The following SLC5A8 variants were observed in gnomAD, a reference collection of about 807,000 sequenced individuals.
SLC5A8 encodes sodium-coupled monocarboxylate transporter 1.
Under a neutral mutation model 71.9 loss-of-function variants are expected in SLC5A8, and 55 were observed. The ratio of observed to expected loss-of-function variants is 0.77; its 90% CI spans 0.62 to 0.96. The LOEUF (loss-of-function observed/expected upper bound fraction) is 0.96, where lower values mean the gene tolerates loss of function less well. Among genes scored for constraint, SLC5A8 ranks in the 40% least tolerant of loss-of-function variants. The pLI, the probability that SLC5A8 is intolerant of heterozygous loss-of-function variation, is 0.00. For missense variants in SLC5A8, 701 were observed against 745.3 expected, an observed-to-expected ratio of 0.94 and a Z score of 0.69; for synonymous variants, 307 against 276.1, an observed-to-expected ratio of 1.11 and a Z score of -1.11.
At chr12:101,177,472 C>A (rs932455830) in intron 10 of SLC5A8, among the ~76,000 whole-genome samples, 1 of 151,554 alleles carries the variant, frequency 6.6e-6, no homozygotes, top group Non-Finnish European at 1.5e-5. Flanking sequence ...CACACACACA[C>A]ACACACGCAT....
rs1480503051 is a variant in SLC5A8 at position 101,209,930 on chromosome 12, C to T, written c.-82G>A. ...GGAGCCCGGCGCGCACTTCTTATCC[C>T]GGATCCCTGGCGCGCAGGCGTGGCG... is the stretch of plus-strand genomic sequence containing the variant. On this transcript the variant is annotated 5_prime_UTR_variant, in exon 1 of 15. Transcript: ENST00000536262. 1 of 1,299,552 alleles carries T rather than the reference C, an allele frequency of 7.7e-7. No individual in the cohort carries two copies. The highest frequency in any genetic ancestry group is 1.0e-6 in the Non-Finnish European group (1 of 982,480). The allele number at this position is 1,299,552 out of a possible 1,614,324, so 80.5% of individuals were successfully genotyped here.
Position 101,166,538 on chromosome 12 carries a change from T to A in SLC5A8, c.1482A>T (p.Glu494Asp). Residue 494 changes from glutamate to aspartate, a missense_variant, in exon 12 of 15, where the codon GAA (glutamate) becomes GAT (aspartate). Physicochemically the swap from Glu to Asp is conservative, Grantham distance 45. Transcript: ENST00000536262. ...GAAAAACACTAGTAGTAAATGGCAT[T>A]TCTGTGGTTGTCATCAAATTTGTCT... ...YNETNLMTTT[E>D]MPFTTSVFQI... 1 of 1,613,942 alleles carries A rather than the reference T, an allele frequency of 6.2e-7. No homozygotes were observed. The highest frequency in any genetic ancestry group is 1.1e-5 in the South Asian group (1 of 91,036).
At chr12:101,160,504 A>G (rs2051714129) in intron 13 of SLC5A8, among the ~76,000 whole-genome samples, 1 of 152,170 alleles carries the variant, frequency 6.6e-6, no homozygotes, top group African/African-American at 2.4e-5. Flanking sequence ...CCTTGAACAC[A>G]ACTAGTTGTA....
Position 101,164,747 on chromosome 12 carries a change from C to T in SLC5A8, c.1526+1747G>A, listed in dbSNP as rs1776467324. On this transcript the variant is annotated intron_variant, in intron 12 of 14. Coordinates refer to ENST00000536262, the MANE Select transcript of SLC5A8 (RefSeq NM_145913.5). ...TCCTTGACTCCAGTCAGGCAGACTT[C>T]CTCCTTCTGGCTCCCATGATATCCT... Among the ~76,000 whole-genome samples, 5 of 152,348 alleles carry T rather than the reference C, an allele frequency of 3.3e-5. No individual in the cohort carries two copies. In the South Asian group the frequency reaches 1.0e-3, roughly 32 times the overall value.
chr12:101,209,259 G>A (rs1214043096), intron 1 of SLC5A8, among the ~76,000 whole-genome samples: 1 of 152,098 alleles, frequency 6.6e-6, no homozygotes, highest in African/African-American at 2.4e-5. Flanking sequence ...TTTTCACTAA[G>A]CCCAGGAGAG....
intron 3 of SLC5A8, among the ~76,000 whole-genome samples, chr12:101,199,573 T>C (rs1869348115): frequency 6.6e-6 from 1 of 151,882 alleles, no homozygotes; most frequent in Admixed American, 6.6e-5. Context: ...ATAATAGTCA[T>C]ATAGAAAGTG....
chr12:101,198,874 A>T (rs2137164835), intron 3 of SLC5A8, among the ~76,000 whole-genome samples: 1 of 152,100 alleles, frequency 6.6e-6, no homozygotes, highest in East Asian at 1.9e-4. Context: ...GAATGCAAAA[A>T]TTGGTTTAAT....
At chr12:101,195,695 C>CTTTTTT (rs11338261) in intron 3 of SLC5A8, among the ~76,000 whole-genome samples, 1 of 97,450 alleles carries the variant, frequency 1.0e-5, no homozygotes, top group Non-Finnish European at 1.9e-5. Flanking sequence ...ATGGTAATTC[C>CTTTTTT]TTTTTTTTTT....
At chr12:101,158,598 C>CTCTCTCTCTCTCTCTCTCTCTCTA (rs1411795424) in intron 13 of SLC5A8, among the ~76,000 whole-genome samples, 1 of 21,254 alleles carries the variant, frequency 4.7e-5, no homozygotes, top group Non-Finnish European at 8.8e-5. Flanking sequence ...CTCTCTCTCT[C>CTCTCTCTCTCTCTCTCTCTCTCTA]TATATATATA....
chr12:101,174,080 G>A (rs73391431), intron 10 of SLC5A8, among the ~76,000 whole-genome samples: 4,674 of 152,278 alleles, frequency 0.031, 193 homozygotes, highest in African/African-American at 0.1. Flanking sequence ...AAAACTACCA[G>A]ACACACTACG....
chr12:101,193,631 A>G lies in SLC5A8; in HGVS notation c.686T>C (p.Phe229Ser). The change falls in exon 5 of 15, where the codon TTC becomes TCC. Residue 229 changes from phenylalanine to serine, a missense_variant. Coordinates refer to ENST00000536262, the MANE Select transcript of SLC5A8 (RefSeq NM_145913.5). ...CCAAGTACTAGACACTTACTTCCAG[A>G]AATTTAATCTTCCACCATCATAGGC... is the stretch of plus-strand genomic sequence containing the variant. ...NDAYDGGRLN[F>S]WNFNPNPLQR... The G allele has an allele frequency of 1.2e-6, 2 of 1,613,184 alleles. No individual in the cohort carries two copies. Among genetic ancestry groups the G allele is most frequent in the Non-Finnish European group, 1.7e-6 (2 of 1,179,654 alleles).
rs745427366 is a variant in SLC5A8 at position 101,184,192 on chromosome 12, G to A, written c.994C>T (p.Gln332Ter). The change falls in exon 8 of 15, where the codon CAA becomes TAA. Residue 332 changes from glutamine (Q) to a stop codon, truncating the protein, a stop_gained. Coordinates refer to ENST00000536262, the MANE Select transcript of SLC5A8 (RefSeq NM_145913.5). LOFTEE classifies it high-confidence loss of function. ...LMPYLVLDIL[Q>*]DYPGLPGLFV... ...AGTCCAGGAAGTCCTGGATAATCTT[G>A]CAGAATGTCCAGTACCAAATAAGGC... 1 of 1,614,146 alleles carries A rather than the reference G, an allele frequency of 6.2e-7. No homozygotes were observed. Among genetic ancestry groups the A allele is most frequent in the East Asian group, 2.2e-5 (1 of 44,878 alleles).
chr12:101,159,628 A>G (rs1472948609), intron 13 of SLC5A8, among the ~76,000 whole-genome samples: 6 of 152,220 alleles, frequency 3.9e-5, no homozygotes, highest in Non-Finnish European at 5.9e-5. Flanking sequence ...AAGTTAATGA[A>G]GTTGAAGTGT....
chr12:101,159,402 C>G (rs1206104482), intron 13 of SLC5A8, among the ~76,000 whole-genome samples: 2 of 152,142 alleles, frequency 1.3e-5, no homozygotes, highest in Admixed American at 1.3e-4. Flanking sequence ...AAACTATTTG[C>G]CCCCATTTTC....
intron 10 of SLC5A8, among the ~76,000 whole-genome samples, chr12:101,172,473 C>G (rs2051838887): frequency 2.0e-5 from 3 of 152,114 alleles, no homozygotes; most frequent in Admixed American, 1.3e-4. Context: ...TTTGGAAGCA[C>G]CCTTCAGCGT....
chr12:101,190,149 C>T (rs966047611), intron 6 of SLC5A8, among the ~76,000 whole-genome samples: 4 of 152,086 alleles, frequency 2.6e-5, no homozygotes, highest in African/African-American at 4.8e-5. Context: ...CACATACTTG[C>T]ATGTATTTTC....
In SLC5A8 at chr12:101,209,827, C is replaced by T; in HGVS notation, c.22G>A (p.Gly8Ser). Residue 8 changes from glycine (G) to serine (S), a missense_variant, in exon 1 of 15, where the codon GGC (glycine) becomes AGC (serine). Transcript: ENST00000536262. ...ACGTAGTCCCACACCACGAAGGTGCCGATGCCCCGTGGCGTGTCCATGGCC... is the reference window on the plus strand; with the variant it reads ...ACGTAGTCCCACACCACGAAGGTGCTGATGCCCCGTGGCGTGTCCATGGCC... MDTPRGI[G>S]TFVVWDYVVF... 6 of 1,573,054 alleles carry T rather than the reference C, an allele frequency of 3.8e-6. No homozygotes were observed. The highest frequency in any genetic ancestry group is 5.2e-6 in the Non-Finnish European group (6 of 1,156,904).
intron 10 of SLC5A8, 151 bp from the exon 11 acceptor site, chr12:101,168,333 G>T: frequency 1.3e-6 from 1 of 754,912 alleles, no homozygotes; most frequent in Non-Finnish European, 2.1e-6. Flanking sequence ...TGGAAAAGAA[G>T]TCATTAGAAC....
intron 2 of SLC5A8, among the ~76,000 whole-genome samples, chr12:101,202,545 G>GA (rs937884683): frequency 4.6e-5 from 7 of 151,226 alleles, no homozygotes; most frequent in Middle Eastern, 3.2e-3. Context: ...GAAATAATTA[G>GA]AAAAAAATAA....
Sources: gnomAD v4.1 joint callset for allele counts (sites outside exome capture counted in the v4.1 genomes callset) on GRCh38, gnomAD v4.1.1 for gene constraint, MANE v1.5 for transcripts, NCBI Gene and HGNC (gene_info 2026-07-23, HGNC 2026-07-21) for gene names.